Variants in EHHADH observed in about 807,000 individuals in gnomAD.
EHHADH encodes enoyl-CoA hydratase and 3-hydroxyacyl CoA dehydrogenase.
A neutral mutation model predicts 64.4 loss-of-function variants in EHHADH; 48 were observed. The observed-to-expected ratio is 0.75, with a 90% CI of 0.59 to 0.95. EHHADH has a LOEUF of 0.95. Ranked by LOEUF, EHHADH falls within the 40% of genes least tolerant of loss-of-function variation. The pLI, the probability that EHHADH is intolerant of heterozygous loss-of-function variation, is 0.00. For synonymous variants in EHHADH, 308 were observed against 326.7 expected (o/e 0.94, Z 0.62); for missense variants, 854 against 876.6 (o/e 0.97, Z 0.33).
chr3:185,233,757 T>G (rs545917974), intron 3 of EHHADH, among the ~76,000 whole-genome samples: 15 of 152,280 alleles, frequency 9.9e-5, no homozygotes, highest in Non-Finnish European at 1.9e-4. Context: ...GTGATTCTCC[T>G]GCCTCAGCCT....
chr3:185,249,284 A>G (rs1368592862), intron 1 of EHHADH, among the ~76,000 whole-genome samples: 14 of 152,136 alleles, frequency 9.2e-5, no homozygotes, highest in African/African-American at 2.6e-4. Context: ...GCCCGCCACC[A>G]CGTCCGGCTA....
chr3:185,234,412 C>G (rs534964183), intron 3 of EHHADH, among the ~76,000 whole-genome samples: 15 of 152,314 alleles, frequency 9.8e-5, no homozygotes, highest in African/African-American at 3.4e-4. Flanking sequence ...AATACTCATA[C>G]TGCATGAGCA....
At position 185,190,885 on chromosome 3, in the gene EHHADH, G is replaced by GAT. The variant is rs1243485939; in HGVS notation, c.*1339_*1340dup. 5.3e-5 allele frequency: 8 copies of GAT among 152,250 alleles called. No homozygotes were observed. The East Asian group carries it at 1.5e-3, about 29-fold the overall frequency. 9.4% of individuals were successfully genotyped at this position (152,250 alleles called of 1,614,324 possible). The stretch of plus-strand genomic sequence containing the variant: ...AAAGTTCATTTACACCACAATGAAG[G>GAT]ATAACATCTTCAGCCCCATTTATTT... On this transcript the variant is annotated 3_prime_UTR_variant, in exon 7 of 7. Transcript: ENST00000231887.
chr3:185,229,075 C>A (rs182106236), intron 4 of EHHADH, among the ~76,000 whole-genome samples: 2 of 152,292 alleles, frequency 1.3e-5, no homozygotes, highest in Admixed American at 1.3e-4. Flanking sequence ...GGATTACAGG[C>A]ATGAGCCACT....
In EHHADH at chr3:185,202,803, C is replaced by T. The variant is rs116472245; in HGVS notation, c.910+1613G>A. On this transcript the variant is annotated intron_variant, in intron 6 of 6. Transcript: ENST00000231887. ...CCCCAATCCGTGAAAAATTGTATTC[C>T]GTGAAACTGGTCCCTGGTGCCAAAA... 9.0e-3 allele frequency among the ~76,000 whole-genome samples: 1,374 copies of T among 152,202 alleles called. 6 individuals carry two copies. The highest frequency in any genetic ancestry group is 0.013 in the Non-Finnish European group (853 of 68,016).
At chr3:185,196,989 G>C (rs1718080145) in intron 6 of EHHADH, among the ~76,000 whole-genome samples, 1 of 150,194 alleles carries the variant, frequency 6.7e-6, no homozygotes, top group African/African-American at 2.5e-5. Flanking sequence ...GTGACAGAGT[G>C]AGACTCCATC....
At chr3:185,223,959 T>C (rs1335223583) in intron 4 of EHHADH, among the ~76,000 whole-genome samples, 1 of 152,212 alleles carries the variant, frequency 6.6e-6, no homozygotes, top group Non-Finnish European at 1.5e-5. Context: ...ATTCGTTCAT[T>C]TTCAGACGGC....
intron 1 of EHHADH, among the ~76,000 whole-genome samples, chr3:185,249,959 C>T (rs1029690952): frequency 1.3e-5 from 2 of 152,134 alleles, no homozygotes; most frequent in Non-Finnish European, 2.9e-5. Context: ...ATTCCTGGCA[C>T]CAGTGATGGT....
intron 5 of EHHADH, among the ~76,000 whole-genome samples, chr3:185,207,287 CAAAAA>C (rs34374992): frequency 8.1e-6 from 1 of 123,066 alleles, no homozygotes; most frequent in African/African-American, 2.9e-5. Context: ...GACCCCATTT[CAAAAA>C]AAAAAAAAAA....
chr3:185,235,817 T>C (rs1719275965), intron 2 of EHHADH, among the ~76,000 whole-genome samples: 1 of 152,170 alleles, frequency 6.6e-6, no homozygotes, highest in Non-Finnish European at 1.5e-5. Flanking sequence ...CAAAGATCAT[T>C]ATTCTGAGAT....
At chr3:185,197,688 T>C (rs1046887462) in intron 6 of EHHADH, among the ~76,000 whole-genome samples, 1 of 152,248 alleles carries the variant, frequency 6.6e-6, no homozygotes, top group Admixed American at 6.5e-5. Context: ...TATTTACCCA[T>C]TCATCCTTCA....
At chr3:185,197,543 A>G (rs190357201) in intron 6 of EHHADH, among the ~76,000 whole-genome samples, 1 of 152,314 alleles carries the variant, frequency 6.6e-6, no homozygotes, top group Admixed American at 6.5e-5. Flanking sequence ...GGAATTATGC[A>G]GTATTTGATC....
intron 5 of EHHADH, among the ~76,000 whole-genome samples, chr3:185,217,317 C>T (rs1423431423): frequency 1.3e-5 from 2 of 151,968 alleles, no homozygotes; most frequent in African/African-American, 2.4e-5. Flanking sequence ...GAGGTCGAGG[C>T]AGGCAGATCA....
At chr3:185,207,273 G>C (rs910856742) in intron 5 of EHHADH, among the ~76,000 whole-genome samples, 1 of 150,308 alleles carries the variant, frequency 6.7e-6, no homozygotes, top group African/African-American at 2.5e-5. Flanking sequence ...GGGTGACAGA[G>C]TGAGACCCCA....
intron 2 of EHHADH, chr3:185,246,441 T>G: frequency 2.1e-6 from 1 of 484,250 alleles, no homozygotes; most frequent in East Asian, 5.7e-5. Flanking sequence ...TCTCCAGATA[T>G]GGATGCGATT....
At chr3:185,235,961 A>T (rs1363220872) in intron 2 of EHHADH, among the ~76,000 whole-genome samples, 2 of 152,176 alleles carry the variant, frequency 1.3e-5, no homozygotes, top group Non-Finnish European at 2.9e-5. Context: ...ATACATATTT[A>T]TGAGTTATAT....
In EHHADH at chr3:185,204,694, C is replaced by G. The variant is rs145972339; in HGVS notation, c.632G>C (p.Ser211Thr). 1.2e-6 allele frequency: 2 copies of G among 1,614,068 alleles called. No individual in the cohort carries two copies. The highest frequency in any genetic ancestry group is 2.7e-5 in the African/African-American group (2 of 74,930). The change falls in exon 6 of 7, where the codon AGC becomes ACC. Residue 211 changes from serine (S) to threonine (T), a missense_variant. Physicochemically the swap from Ser to Thr is moderately conservative, Grantham distance 58 (BLOSUM62 1). Transcript: ENST00000231887. ...CTTCAAGAGGGCCTCACTAAAAATG[C>G]TGTCCATGTTGGGCAAGCTCTGAAT... ...KPIQSLPNMDSIFSEALLKMR... is the reference protein window; with the variant it reads ...KPIQSLPNMDTIFSEALLKMR...
intron 1 of EHHADH, among the ~76,000 whole-genome samples, chr3:185,250,563 A>G (rs1228347650): frequency 6.6e-6 from 1 of 152,240 alleles, no homozygotes; most frequent in Non-Finnish European, 1.5e-5. Context: ...TCTGAGTAAA[A>G]TCTCTGTTCT....
intron 4 of EHHADH, among the ~76,000 whole-genome samples, chr3:185,224,193 C>G (rs1560015447): frequency 6.6e-6 from 1 of 151,782 alleles, no homozygotes; most frequent in Non-Finnish European, 1.5e-5. Flanking sequence ...TCTTTAACAC[C>G]CTTTCTTAGA....
Sources: allele counts gnomAD v4.1 joint callset (sites outside exome capture counted in the v4.1 genomes callset), GRCh38; gene constraint gnomAD v4.1.1; transcripts MANE v1.5; gene names NCBI Gene and HGNC (gene_info 2026-07-23, HGNC 2026-07-21).